The following MED29 variants were observed in gnomAD, a reference collection of about 807,000 sequenced individuals.
MED29 encodes mediator of RNA polymerase II transcription subunit 29.
In MED29, 14 loss-of-function variants were observed where a neutral mutation model predicts 22.0. The observed-to-expected ratio is 0.64, with a 90% CI of 0.42 to 0.99. MED29 has a LOEUF of 0.99. Ranked by LOEUF, MED29 falls within the 50% of genes least tolerant of loss-of-function variation. The pLI is 0.00. For missense variants in MED29, 241 were observed against 253.7 expected, an observed-to-expected ratio of 0.95 and a Z score of 0.34; for synonymous variants, 123 against 107.8, an observed-to-expected ratio of 1.14 and a Z score of -0.87.
At position 39,398,576 on chromosome 19, in the gene MED29, C is replaced by A. The variant is rs1430439308; in HGVS notation, c.*877C>A. 1.3e-5 allele frequency: 2 copies of A among 152,636 alleles called. No individual in the cohort carries two copies. Among genetic ancestry groups the A allele is most frequent in the South Asian group, 2.1e-4 (1 of 4,834 alleles). The allele number at this position is 152,636 out of a possible 1,614,324, so 9.5% of individuals were successfully genotyped here. On this transcript the variant is annotated 3_prime_UTR_variant, in exon 4 of 4. Coordinates refer to ENST00000315588, the MANE Select transcript of MED29 (RefSeq NM_017592.4). ...GTGAATCATCAGTCCTGGGGAAGAA[C>A]CCAGGCGCCTGAGCCCCAGCTCCGG...
At position 39,396,713 on chromosome 19, in the gene MED29, G is replaced by A. The variant is rs72623867; in HGVS notation, c.361-744G>A. ...TGCACTCCAGCCTGGGCAACAGAGC[G>A]AGATTCCACCTCAAAAGAAAAAAAA... On this transcript the variant is annotated intron_variant, in intron 3 of 3. Transcript: ENST00000315588. Among the ~76,000 whole-genome samples, 173 of 140,572 alleles carry A rather than the reference G, an allele frequency of 1.2e-3. 3 individuals are homozygous for A. In the East Asian group the frequency reaches 0.034, roughly 28 times the overall value. 92.2% of individuals were successfully genotyped at this position (140,572 alleles called of 152,430 possible).
chr19:39,391,722 G>T, intron 1 of MED29, 84 bp downstream of exon 1: 1 of 1,460,548 alleles, frequency 6.8e-7, no homozygotes, highest in Non-Finnish European at 9.1e-7. Flanking sequence ...CGGAGAGAGC[G>T]CTAAGCAGAA....
chr19:39,394,266 G>C (rs1201065987), intron 3 of MED29, among the ~76,000 whole-genome samples: 6 of 152,004 alleles, frequency 3.9e-5, no homozygotes, highest in Non-Finnish European at 2.9e-5. Flanking sequence ...TGGTTTTTTT[G>C]GTGGGGGGGT....
rs766863168 is a variant in MED29 at position 39,397,540 on chromosome 19, C to T, written c.444C>T (p.Asp148=). The T allele has an allele frequency of 7.4e-6, 12 of 1,613,328 alleles. No individual in the cohort carries two copies. The highest frequency in any genetic ancestry group is 5.0e-5 in the Admixed American group (3 of 60,026). The change falls in exon 4 of 4, where the codon GAC becomes GAT. Residue 148 remains aspartate, a synonymous_variant. Coordinates refer to ENST00000315588, the MANE Select transcript of MED29 (RefSeq NM_017592.4). ...PTLVPTATKP[D]AVQPDSLPYP... is the part of the protein sequence containing the mutation. ...TGGTGCCCACAGCCACCAAGCCCGA[C>T]GCAGTGCAGCCTGACAGCCTCCCCT...
chr19:39,393,606 A>G lies in MED29; in HGVS notation c.329A>G (p.Tyr110Cys), dbSNP rs552907980. The change falls in exon 3 of 4, where the codon TAT (tyrosine) becomes TGT (cysteine). Residue 110 changes from tyrosine (Y) to cysteine (C), a missense_variant. Physicochemically the swap from Tyr to Cys is radical, Grantham distance 194 (BLOSUM62 -2). Transcript: ENST00000315588. The stretch of plus-strand genomic sequence containing the variant: ...TTTGACAAGTGCCTGGAAGAGTTCT[A>G]TGCACTCTGTGACCAGCTGGAGCTG... ...QRFDKCLEEF[Y>C]ALCDQLELCL... 3.2e-5 allele frequency: 51 copies of G among 1,614,156 alleles called. No individual in the cohort carries two copies. The highest frequency in any genetic ancestry group is 1.1e-4 in the South Asian group (10 of 91,084).
At chr19:39,392,902 CTATTT>C (rs1358010312) in intron 2 of MED29, 1 of 191,240 alleles carries the variant, frequency 5.2e-6, no homozygotes, top group Non-Finnish European at 1.1e-5. Context: ...ATCACTTCTC[CTATTT>C]TATTTTATTT....
In MED29 at chr19:39,398,231, A is replaced by C; in HGVS notation, c.*532A>C. 1 of 162,372 alleles carries C rather than the reference A, an allele frequency of 6.2e-6. No homozygotes were observed. Among genetic ancestry groups the C allele is most frequent in the Non-Finnish European group, 1.3e-5 (1 of 74,720 alleles). 10.1% of individuals were successfully genotyped at this position (162,372 alleles called of 1,614,324 possible). On this transcript the variant is annotated 3_prime_UTR_variant, in exon 4 of 4. Coordinates refer to ENST00000315588, the MANE Select transcript of MED29 (RefSeq NM_017592.4). ...CCTAACTGGGACTCTGTGTCTATGC[A>C]GGGGGCCAGCACCCCTGGGTTATCT... is the stretch of plus-strand genomic sequence containing the variant.
chr19:39,392,383 C>G (rs554221196), intron 1 of MED29, 81 bp from the exon 2 acceptor site: 3 of 1,256,018 alleles, frequency 2.4e-6, no homozygotes, highest in East Asian at 2.3e-5. Flanking sequence ...ACTGAGTGAT[C>G]TCAAGAAAGA....
chr19:39,393,378 G>A (rs949530044), intron 2 of MED29, among the ~76,000 whole-genome samples, 175 bp from the exon 3 acceptor site: 1 of 152,028 alleles, frequency 6.6e-6, no homozygotes, highest in African/African-American at 2.4e-5. Context: ...TTACAGGCGT[G>A]AGCCACCGTG....
intron 3 of MED29, 119 bp downstream of exon 3, chr19:39,393,756 C>T: frequency 1.2e-6 from 1 of 818,726 alleles, no homozygotes; most frequent in Non-Finnish European, 2.1e-6. Context: ...CAGACCTGTG[C>T]TTCCACCAAC....
chr19:39,397,436 C>A (rs1184866433), intron 3 of MED29, 21 bp from the exon 4 acceptor site: 8 of 1,596,328 alleles, frequency 5.0e-6, no homozygotes, highest in Non-Finnish European at 6.8e-6. Flanking sequence ...TGATGCTGTC[C>A]CCTTGCCTGC....
intron 3 of MED29, among the ~76,000 whole-genome samples, chr19:39,395,390 C>T (rs954945293): frequency 1.3e-5 from 2 of 152,122 alleles, no homozygotes; most frequent in African/African-American, 4.8e-5. Flanking sequence ...AGGAATATAC[C>T]TCTGGCTGAC....
intron 3 of MED29, among the ~76,000 whole-genome samples, chr19:39,395,944 A>C (rs562191458): frequency 1.3e-5 from 2 of 150,900 alleles, no homozygotes; most frequent in Admixed American, 1.3e-4. Flanking sequence ...ACTGTCCCCG[A>C]AACAGGGACC....
At chr19:39,394,183 A>G (rs1401666515) in intron 3 of MED29, among the ~76,000 whole-genome samples, 1 of 152,198 alleles carries the variant, frequency 6.6e-6, no homozygotes, top group Non-Finnish European at 1.5e-5. Flanking sequence ...AACTTAGATT[A>G]TGCGTGTAAA....
chr19:39,392,026 AAAAT>A (rs541069051), intron 1 of MED29, among the ~76,000 whole-genome samples: 112 of 152,250 alleles, frequency 7.4e-4, no homozygotes, highest in African/African-American at 2.4e-3. Context: ...CTCCGTCAAA[AAAAT>A]AAATAAATAA....
At chr19:39,393,413 G>C (rs530065407) in intron 2 of MED29, 140 bp from the exon 3 acceptor site, 3 of 753,244 alleles carry the variant, frequency 4.0e-6, no homozygotes, top group South Asian at 1.7e-5. Flanking sequence ...CTTTTTTTTT[G>C]AACCCCTCCG....
chr19:39,394,638 A>G (rs987944975), intron 3 of MED29, among the ~76,000 whole-genome samples: 8 of 133,280 alleles, frequency 6.0e-5, no homozygotes, highest in African/African-American at 2.3e-4. Flanking sequence ...ACTTCAGCTC[A>G]CTGCAACCTT....
intron 3 of MED29, among the ~76,000 whole-genome samples, chr19:39,395,271 C>G (rs2078422248): frequency 6.6e-6 from 1 of 152,172 alleles, no homozygotes; most frequent in Non-Finnish European, 1.5e-5. Flanking sequence ...TTCATTCTGG[C>G]TGAGGTGTGG....
intron 1 of MED29, 33 bp from the exon 2 acceptor site, chr19:39,392,431 A>G (rs761904403): frequency 4.4e-6 from 7 of 1,608,296 alleles, no homozygotes; most frequent in Non-Finnish European, 6.0e-6. Context: ...TTGTTTTTCC[A>G]TTTCCCACGT....
Sources: gnomAD v4.1 joint callset for allele counts (sites outside exome capture counted in the v4.1 genomes callset) on GRCh38, gnomAD v4.1.1 for gene constraint, MANE v1.5 for transcripts, NCBI Gene and HGNC (gene_info 2026-07-23, HGNC 2026-07-21) for gene names.